The following MLLT3 variants were observed in gnomAD, a reference collection of about 807,000 sequenced individuals.
The protein encoded by MLLT3 is MLLT3 super elongation complex subunit.
Under a neutral mutation model 53.2 loss-of-function variants are expected in MLLT3, and 4 were observed. That is an observed-to-expected ratio of 0.08 (90% CI 0.04 to 0.17). The LOEUF is 0.17. Ranked by LOEUF, MLLT3 falls within the 10% of genes least tolerant of loss-of-function variation. MLLT3 has a pLI of 1.00. For missense variants in MLLT3, 569 were observed against 684.0 expected (o/e 0.83, Z 1.87); for synonymous variants, 283 against 230.6 (o/e 1.23, Z -2.06).
intron 2 of MLLT3, among the ~76,000 whole-genome samples, chr9:20,457,968 C>T (rs1369770312): frequency 6.6e-6 from 1 of 152,156 alleles, no homozygotes; most frequent in East Asian, 1.9e-4. Flanking sequence ...TCTTCAGCAG[C>T]CCCAGTTTAC....
intron 2 of MLLT3, among the ~76,000 whole-genome samples, chr9:20,608,748 T>C (rs1273822551): frequency 1.3e-5 from 2 of 151,988 alleles, no homozygotes; most frequent in Non-Finnish European, 2.9e-5. Context: ...AAAAATCTTA[T>C]TGTAAATGTG....
chr9:20,399,516 C>A (rs759710365), intron 5 of MLLT3, among the ~76,000 whole-genome samples: 1 of 151,930 alleles, frequency 6.6e-6, no homozygotes, highest in East Asian at 1.9e-4. Context: ...AAACTGTATA[C>A]ATGGTAGATG....
At chr9:20,481,184 C>CA (rs1824653306) in intron 2 of MLLT3, among the ~76,000 whole-genome samples, 1 of 152,188 alleles carries the variant, frequency 6.6e-6, no homozygotes, top group Admixed American at 6.5e-5. Flanking sequence ...TGAATTGTCT[C>CA]AGAGCAGTGT....
rs1328108732 is a variant in MLLT3, at chr9:20,506,277, G to T, written c.194-49491C>A. 2.6e-5 allele frequency among the ~76,000 whole-genome samples: 4 copies of T among 152,110 alleles called. No individual in the cohort carries two copies. In the East Asian group the frequency reaches 7.7e-4, roughly 29 times the overall value. The stretch of plus-strand genomic sequence containing the variant: ...GCTGGTCTTGAACTTCTGAGCTCAG[G>T]AGATCCGCCCACCTCAGCCTCCCGA... On this transcript the variant is annotated intron_variant, in intron 2 of 10. Coordinates refer to ENST00000380338, the MANE Select transcript of MLLT3 (RefSeq NM_004529.4).
chr9:20,437,936 T>C (rs1307447603), intron 4 of MLLT3, among the ~76,000 whole-genome samples: 1 of 152,218 alleles, frequency 6.6e-6, no homozygotes, highest in Non-Finnish European at 1.5e-5. Flanking sequence ...TTTCAAAGGA[T>C]TAGCTTGGTC....
chr9:20,616,628 T>C (rs974626544), intron 2 of MLLT3, among the ~76,000 whole-genome samples: 5 of 152,184 alleles, frequency 3.3e-5, no homozygotes, highest in Non-Finnish European at 5.9e-5. Context: ...CGTATACTTA[T>C]CTGCACAAGC....
chr9:20,570,061 G>A (rs138052992), intron 2 of MLLT3, among the ~76,000 whole-genome samples: 1 of 152,256 alleles, frequency 6.6e-6, no homozygotes, highest in Admixed American at 6.5e-5. Context: ...GCTCAGTAAC[G>A]CTATTTTGCA....
chr9:20,606,423 C>T (rs112074492), intron 2 of MLLT3, among the ~76,000 whole-genome samples: 3 of 152,098 alleles, frequency 2.0e-5, no homozygotes, highest in South Asian at 2.1e-4. Flanking sequence ...CCCCCTTCAC[C>T]CACCCGTACT....
At chr9:20,362,047 T>A (rs909285227) in intron 7 of MLLT3, among the ~76,000 whole-genome samples, 1 of 152,212 alleles carries the variant, frequency 6.6e-6, no homozygotes, top group East Asian at 1.9e-4. Flanking sequence ...TGTTTTAAAA[T>A]GTGTCTTGAG....
intron 2 of MLLT3, among the ~76,000 whole-genome samples, chr9:20,587,974 G>T (rs1361307878): frequency 2.0e-5 from 3 of 150,098 alleles, no homozygotes; most frequent in Non-Finnish European, 4.5e-5. Flanking sequence ...TATGGTTTTA[G>T]GTCTAACATT....
At chr9:20,580,656 T>C (rs186676688) in intron 2 of MLLT3, among the ~76,000 whole-genome samples, 30 of 152,330 alleles carry the variant, frequency 2.0e-4, no homozygotes, top group Middle Eastern at 3.4e-3. Flanking sequence ...AAATATAATA[T>C]AGTTTTCCTT....
chr9:20,512,051 T>C (rs1030894394), intron 2 of MLLT3, among the ~76,000 whole-genome samples: 1 of 152,178 alleles, frequency 6.6e-6, no homozygotes, highest in South Asian at 2.1e-4. Flanking sequence ...AAGTCTGAGC[T>C]GAAGATGAGA....
At chr9:20,576,466 A>G (rs1819655207) in intron 2 of MLLT3, among the ~76,000 whole-genome samples, 1 of 152,164 alleles carries the variant, frequency 6.6e-6, no homozygotes, top group African/African-American at 2.4e-5. Flanking sequence ...ACTAAGCTTA[A>G]TAATTCTAGC....
At chr9:20,379,174 C>G (rs1439255888) in intron 5 of MLLT3, among the ~76,000 whole-genome samples, 1 of 152,024 alleles carries the variant, frequency 6.6e-6, no homozygotes, top group Non-Finnish European at 1.5e-5. Context: ...ATTAGGGAGG[C>G]AGGGGCAAGA....
At chr9:20,453,828 A>G (rs1290223118) in intron 3 of MLLT3, among the ~76,000 whole-genome samples, 1 of 152,182 alleles carries the variant, frequency 6.6e-6, no homozygotes, top group Non-Finnish European at 1.5e-5. Flanking sequence ...AATTCTATGG[A>G]TTACATAATT....
Position 20,475,387 on chromosome 9 carries a change from G to A in MLLT3, c.194-18601C>T, listed in dbSNP as rs1216553067. On this transcript the variant is annotated intron_variant, in intron 2 of 10. Coordinates refer to ENST00000380338, the MANE Select transcript of MLLT3 (RefSeq NM_004529.4). ...AGATACCCATCAAATCTCCCCTCTT[G>A]GAAGCTGTCCTGCACTTTATCTTAA... 2.6e-5 allele frequency among the ~76,000 whole-genome samples: 4 copies of A among 151,938 alleles called. No individual in the cohort carries two copies. The South Asian group carries it at 8.3e-4, about 32-fold the overall frequency.
chr9:20,424,357 C>A (rs1459732089), intron 4 of MLLT3, among the ~76,000 whole-genome samples: 2 of 152,224 alleles, frequency 1.3e-5, no homozygotes, highest in Admixed American at 6.5e-5. Context: ...TCCTATAATG[C>A]CCTGGCAGAG....
rs539784464 is a variant in MLLT3, at chr9:20,593,956, T to C, written c.193+26698A>G. Among the ~76,000 whole-genome samples, 19 of 151,626 alleles carry C rather than the reference T, an allele frequency of 1.3e-4. No homozygotes were observed. The East Asian group carries it at 3.3e-3, about 26-fold the overall frequency. On this transcript the variant is annotated intron_variant, in intron 2 of 10. Coordinates refer to ENST00000380338, the MANE Select transcript of MLLT3 (RefSeq NM_004529.4). ...CAATGTTCTCATTTTTTTTTTTTTT[T>C]CTGAGAGGGAGTCTTGCTCTGTTGC...
In MLLT3 at chr9:20,565,869, T is replaced by A. The variant is rs547832819; in HGVS notation, c.193+54785A>T. The stretch of plus-strand genomic sequence containing the variant: ...GTCCCTCTTCAGAAAAAGTCCACTC[T>A]CTATATCCTCACTTCCTCCTTCCTC... On this transcript the variant is annotated intron_variant, in intron 2 of 10. Coordinates refer to ENST00000380338, the MANE Select transcript of MLLT3 (RefSeq NM_004529.4). 6.8e-5 allele frequency among the ~76,000 whole-genome samples: 10 copies of A among 146,124 alleles called. No individual in the cohort carries two copies. In the South Asian group the frequency reaches 1.5e-3, roughly 22 times the overall value.
Sources: gnomAD v4.1 joint callset for allele counts (sites outside exome capture counted in the v4.1 genomes callset) on GRCh38, gnomAD v4.1.1 for gene constraint, MANE v1.5 for transcripts, NCBI Gene and HGNC (gene_info 2026-07-23, HGNC 2026-07-21) for gene names.